Variants in VTI1A observed in about 807,000 individuals in gnomAD.
The protein encoded by VTI1A is vesicle transport through interaction with t-SNAREs 1A, also known as vesicle transport through interaction with t-SNAREs homolog 1A.
VTI1A carries 22 observed loss-of-function variants against 34.9 expected under a neutral mutation model. The observed-to-expected ratio is 0.63, with a 90% CI of 0.45 to 0.90. The LOEUF is 0.90. Among genes scored for constraint, VTI1A ranks in the 40% least tolerant of loss-of-function variants. VTI1A has a pLI of 0.00. For synonymous variants in VTI1A, 87 were observed against 97.3 expected (o/e 0.89, Z 0.62); for missense variants, 268 against 275.6 (o/e 0.97, Z 0.20).
the VTI1A span, among the ~76,000 whole-genome samples, chr10:112,842,841 G>A: frequency 2.6e-5 from 4 of 152,324 alleles, no homozygotes; most frequent in Non-Finnish European, 2.9e-5. Context: ...TAGCTGTCAG[G>A]GGGGTTGGTC....
chr10:112,829,063 G>A, the VTI1A span, among the ~76,000 whole-genome samples: 2 of 152,060 alleles, frequency 1.3e-5, no homozygotes, highest in African/African-American at 4.8e-5. Context: ...AGTCTTGGTC[G>A]CTTATGCTGG....
intron 7 of VTI1A, among the ~76,000 whole-genome samples, chr10:112,742,871 T>A (rs1171398997): frequency 6.6e-6 from 1 of 152,222 alleles, no homozygotes; most frequent in African/African-American, 2.4e-5. Flanking sequence ...CAGTTTGAGA[T>A]AATAAATCAA....
intron 5 of VTI1A, among the ~76,000 whole-genome samples, chr10:112,582,761 C>T (rs1418752882): frequency 2.0e-5 from 3 of 152,014 alleles, no homozygotes; most frequent in South Asian, 2.1e-4. Context: ...TTAACTTAAA[C>T]GTGTTTTTAG....
intron 7 of VTI1A, among the ~76,000 whole-genome samples, chr10:112,697,865 CAT>C (rs1491575602): frequency 0.1 from 12,562 of 126,146 alleles, 617 homozygotes; most frequent in Middle Eastern, 0.14. Context: ...TTAGCATTTA[CAT>C]GTGTGTGTGT....
chr10:112,512,756 A>G (rs1849656310), intron 3 of VTI1A, among the ~76,000 whole-genome samples: 1 of 152,098 alleles, frequency 6.6e-6, no homozygotes, highest in Non-Finnish European at 1.5e-5. Context: ...TCATTCTTCT[A>G]CATATGGATA....
At chr10:112,746,405 G>A (rs1045593224) in intron 7 of VTI1A, among the ~76,000 whole-genome samples, 1 of 152,190 alleles carries the variant, frequency 6.6e-6, no homozygotes, top group African/African-American at 2.4e-5. Flanking sequence ...TGCTTTCAGT[G>A]CCCTGGCACC....
chr10:112,839,456 A>G, the VTI1A span, among the ~76,000 whole-genome samples: 1 of 151,392 alleles, frequency 6.6e-6, no homozygotes, highest in African/African-American at 2.4e-5. Flanking sequence ...GGAGGCAGGA[A>G]GGAGGCTACT....
At chr10:112,661,224 C>A (rs190144763) in intron 5 of VTI1A, among the ~76,000 whole-genome samples, 1 of 152,306 alleles carries the variant, frequency 6.6e-6, no homozygotes, top group Admixed American at 6.5e-5. Context: ...CTCAAGTGAT[C>A]CGCCCTCCTC....
At chr10:112,661,918 C>CCTG (rs1218528951) in intron 5 of VTI1A, among the ~76,000 whole-genome samples, 2 of 151,812 alleles carry the variant, frequency 1.3e-5, no homozygotes, top group African/African-American at 4.8e-5. Flanking sequence ...GACTACAGCA[C>CCTG]CCACTACCAC....
chr10:112,681,223 A>T (rs1848205518), intron 7 of VTI1A, among the ~76,000 whole-genome samples: 1 of 151,904 alleles, frequency 6.6e-6, no homozygotes, highest in African/African-American at 2.4e-5. Context: ...CTGCGACTAC[A>T]GGTCCACCTC....
chr10:112,752,623 T>C (rs139490162), intron 7 of VTI1A: 46 of 975,550 alleles, frequency 4.7e-5, no homozygotes, highest in Middle Eastern at 5.3e-4. Flanking sequence ...CCAGGGTTTT[T>C]ATAAGGCCCA....
At chr10:112,507,241 G>A (rs763468363) in intron 3 of VTI1A, among the ~76,000 whole-genome samples, 2 of 152,072 alleles carry the variant, frequency 1.3e-5, no homozygotes, top group Non-Finnish European at 2.9e-5. Flanking sequence ...CGCGTTTCCA[G>A]AGATCTCTTT....
chr10:112,691,401 A>G (rs1457136564), intron 7 of VTI1A, among the ~76,000 whole-genome samples: 2 of 152,204 alleles, frequency 1.3e-5, no homozygotes, highest in Non-Finnish European at 2.9e-5. Flanking sequence ...ACTCAGTTCT[A>G]CTGCCAACTA....
At chr10:112,804,660 G>C (rs952485679) in intron 7 of VTI1A, among the ~76,000 whole-genome samples, 1 of 152,018 alleles carries the variant, frequency 6.6e-6, no homozygotes, top group Non-Finnish European at 1.5e-5. Context: ...CGCGGCCTTT[G>C]TCGTGAGGCT....
the VTI1A span, among the ~76,000 whole-genome samples, chr10:112,841,455 G>A: frequency 1.3e-5 from 2 of 152,158 alleles, no homozygotes; most frequent in African/African-American, 4.8e-5. Flanking sequence ...AGGCTTTCAG[G>A]CAGTTTGGAT....
intron 7 of VTI1A, among the ~76,000 whole-genome samples, chr10:112,790,839 G>A (rs1318780628): frequency 6.7e-6 from 1 of 149,462 alleles, no homozygotes; most frequent in African/African-American, 2.6e-5. Flanking sequence ...CTCATAGCTG[G>A]AAGTCCCCTG....
At chr10:112,678,129 A>G (rs551355849) in intron 7 of VTI1A, among the ~76,000 whole-genome samples, 77 of 152,326 alleles carry the variant, frequency 5.1e-4, no homozygotes, top group African/African-American at 1.8e-3. Context: ...ATTTTTCTCC[A>G]TTATTTAATC....
intron 7 of VTI1A, among the ~76,000 whole-genome samples, chr10:112,704,053 C>T (rs1849106835): frequency 6.6e-6 from 1 of 152,000 alleles, no homozygotes; most frequent in Non-Finnish European, 1.5e-5. Context: ...TTTGTTATAT[C>T]CCAGTCTTTT....
chr10:112,660,436 C>T (rs1318129953), intron 5 of VTI1A, among the ~76,000 whole-genome samples: 1 of 152,166 alleles, frequency 6.6e-6, no homozygotes, highest in African/African-American at 2.4e-5. Context: ...CACTAAAGAT[C>T]ATCTAGTCTA....
Sources: gnomAD v4.1 joint callset for allele counts (sites outside exome capture counted in the v4.1 genomes callset) on GRCh38, gnomAD v4.1.1 for gene constraint, MANE v1.5 for transcripts, NCBI Gene and HGNC (gene_info 2026-07-23, HGNC 2026-07-21) for gene names.